Variants in CRB1 observed in about 807,000 individuals in gnomAD.
The protein encoded by CRB1 is protein crumbs homolog 1.
A neutral mutation model predicts 120.0 loss-of-function variants in CRB1; 83 were observed. That is an observed-to-expected ratio of 0.69 (90% CI 0.58 to 0.83). The LOEUF is 0.83. Among genes scored for constraint, CRB1 ranks in the 40% least tolerant of loss-of-function variants. The pLI is 0.00. For missense variants in CRB1, 1,699 were observed against 1,687.6 expected (o/e 1.01, Z -0.12); for synonymous variants, 625 against 612.5 (o/e 1.02, Z -0.30).
chr1:197,355,354 G>T (rs1660406450), intron 4 of CRB1, among the ~76,000 whole-genome samples: 1 of 152,204 alleles, frequency 6.6e-6, no homozygotes, highest in Admixed American at 6.5e-5. Context: ...CCACGCAGGG[G>T]CCGCAGGTGG....
chr1:197,255,299 T>C, the CRB1 span, among the ~76,000 whole-genome samples: 47 of 152,106 alleles, frequency 3.1e-4, no homozygotes, highest in African/African-American at 1.0e-3. Context: ...ATTTTCCTTA[T>C]GAAATTATGT....
intron 11 of CRB1, among the ~76,000 whole-genome samples, chr1:197,471,550 T>C (rs993649930): frequency 6.6e-6 from 1 of 152,192 alleles, no homozygotes; most frequent in Non-Finnish European, 1.5e-5. Context: ...GCCTGGTGGC[T>C]CTCTGATCGC....
intron 5 of CRB1, among the ~76,000 whole-genome samples, chr1:197,400,530 C>T (rs1663013873): frequency 6.6e-6 from 1 of 150,884 alleles, no homozygotes; most frequent in South Asian, 2.1e-4. Context: ...ATTTTAAAAA[C>T]AGAAACTATA....
chr1:197,360,477 T>C (rs915887258), intron 5 of CRB1: 1 of 152,226 alleles, frequency 6.6e-6, no homozygotes, highest in African/African-American at 2.4e-5. Flanking sequence ...GTCTCTTCTC[T>C]ATGTGAGTAA....
At chr1:197,296,314 T>C (rs1255077193) in intron 1 of CRB1, among the ~76,000 whole-genome samples, 1 of 152,106 alleles carries the variant, frequency 6.6e-6, no homozygotes, top group Non-Finnish European at 1.5e-5. Flanking sequence ...ATCTATAAGA[T>C]GGAAATAATA....
At chr1:197,396,848 C>G (rs1159216609) in intron 5 of CRB1, among the ~76,000 whole-genome samples, 1 of 151,936 alleles carries the variant, frequency 6.6e-6, no homozygotes, top group Non-Finnish European at 1.5e-5. Context: ...TATAAAACTT[C>G]GAAGAGAACA....
chr1:197,444,728 C>T (rs2125518130), intron 11 of CRB1: 1 of 152,158 alleles, frequency 6.6e-6, no homozygotes, highest in East Asian at 1.9e-4. Flanking sequence ...AAATGTTTTC[C>T]CTTTTCTTTT....
At chr1:197,357,060 GGC>G (rs1660523107) in intron 5 of CRB1, 47 bp downstream of exon 5, 1 of 1,570,070 alleles carries the variant, frequency 6.4e-7, no homozygotes, top group African/African-American at 1.4e-5. Flanking sequence ...GGTATTTTAT[GGC>G]AGACCATGGC....
intron 5 of CRB1, among the ~76,000 whole-genome samples, chr1:197,393,695 G>A (rs1286668409): frequency 6.6e-6 from 1 of 151,944 alleles, no homozygotes; most frequent in African/African-American, 2.4e-5. Context: ...TGCTTCACCC[G>A]ATGTAATTTA....
chr1:197,273,207 A>G (rs534418379), intron 1 of CRB1, among the ~76,000 whole-genome samples: 1 of 152,124 alleles, frequency 6.6e-6, no homozygotes, highest in Non-Finnish European at 1.5e-5. Flanking sequence ...CAGGTATTTT[A>G]TAGATTCTCC....
chr1:197,357,432 A>G (rs866899577), intron 5 of CRB1: 17 of 250,752 alleles, frequency 6.8e-5, no homozygotes, highest in African/African-American at 3.6e-4. Context: ...AATCTTCCTC[A>G]ACGATTCTGT....
At chr1:197,418,022 G>A (rs1362106340) in intron 5 of CRB1, among the ~76,000 whole-genome samples, 3 of 151,628 alleles carry the variant, frequency 2.0e-5, no homozygotes, top group Admixed American at 6.6e-5. Context: ...ATAGTGAGCC[G>A]AAAAGTCCTG....
intron 11 of CRB1, among the ~76,000 whole-genome samples, chr1:197,473,649 A>T (rs1416912750): frequency 6.6e-6 from 1 of 151,772 alleles, no homozygotes; most frequent in East Asian, 1.9e-4. Context: ...CATTATATTT[A>T]TAATTAATTT....
At chr1:197,436,458 A>T (rs1315294073) in intron 9 of CRB1, among the ~76,000 whole-genome samples, 1 of 152,070 alleles carries the variant, frequency 6.6e-6, no homozygotes, top group Non-Finnish European at 1.5e-5. Context: ...GTGTTGTTCA[A>T]GGGTCAACTG....
chr1:197,419,745 C>A (rs189903647), intron 5 of CRB1, among the ~76,000 whole-genome samples: 4 of 145,156 alleles, frequency 2.8e-5, no homozygotes, highest in African/African-American at 7.7e-5. Flanking sequence ...GAGGCCGAGG[C>A]GGGTGGATCA....
At chr1:197,406,960 G>A (rs1489598375) in intron 5 of CRB1, among the ~76,000 whole-genome samples, 1 of 152,324 alleles carries the variant, frequency 6.6e-6, no homozygotes, top group East Asian at 1.9e-4. Flanking sequence ...CATGGCTCCT[G>A]TAGGATCACA....
At chr1:197,307,147 A>T (rs372726266) in intron 1 of CRB1, among the ~76,000 whole-genome samples, 11 of 152,294 alleles carry the variant, frequency 7.2e-5, no homozygotes, top group African/African-American at 2.6e-4. Context: ...TTTATGCAGA[A>T]CTATATAGTT....
At chr1:197,300,051 T>C (rs535896296) in intron 1 of CRB1, among the ~76,000 whole-genome samples, 35 of 152,062 alleles carry the variant, frequency 2.3e-4, no homozygotes, top group African/African-American at 4.3e-4. Context: ...ACCAACTTAA[T>C]TGATAAATGT....
At chr1:197,427,082 C>G (rs1664620894) in intron 6 of CRB1, among the ~76,000 whole-genome samples, 1 of 152,164 alleles carries the variant, frequency 6.6e-6, no homozygotes, top group African/African-American at 2.4e-5. Context: ...TTTCTTCCAC[C>G]AGGTTGGAGT....
Sources: gnomAD v4.1 joint callset for allele counts (sites outside exome capture counted in the v4.1 genomes callset) on GRCh38, gnomAD v4.1.1 for gene constraint, MANE v1.5 for transcripts, NCBI Gene and HGNC (gene_info 2026-07-23, HGNC 2026-07-21) for gene names.